The following TMEM135 variants were observed in gnomAD, a reference collection of about 807,000 sequenced individuals.
TMEM135 encodes transmembrane protein 135, also known as peroxisomal membrane protein 52.
A neutral mutation model predicts 60.3 loss-of-function variants in TMEM135; 30 were observed. The ratio of observed to expected loss-of-function variants is 0.50; its 90% CI spans 0.37 to 0.68. The LOEUF is 0.68. Ranked by LOEUF, TMEM135 falls within the 30% of genes least tolerant of loss-of-function variation. The pLI, the probability that TMEM135 is intolerant of heterozygous loss-of-function variation, is 0.00. For synonymous variants in TMEM135, 190 were observed against 186.7 expected, an observed-to-expected ratio of 1.02 and a Z score of -0.14; for missense variants, 468 against 548.8, an observed-to-expected ratio of 0.85 and a Z score of 1.47.
chr11:87,071,350 A>C (rs749479306), intron 2 of TMEM135, among the ~76,000 whole-genome samples, 173 bp from the exon 3 acceptor site: 2 of 152,166 alleles, frequency 1.3e-5, no homozygotes, highest in Non-Finnish European at 2.9e-5. Flanking sequence ...AGGAGAGAGA[A>C]CAAGTTCATG....
intron 4 of TMEM135, among the ~76,000 whole-genome samples, chr11:87,144,388 G>A (rs1056397180): frequency 2.0e-5 from 3 of 152,104 alleles, no homozygotes; most frequent in Non-Finnish European, 4.4e-5. Flanking sequence ...ATTCAATTCT[G>A]CTATTGTAGT....
rs11304555 is a variant in TMEM135 at position 87,239,751 on chromosome 11, G to GT, written c.509+3079dup. Among the ~76,000 whole-genome samples the GT allele has an allele frequency of 9.3e-4, 137 of 147,786 alleles. 1 individual carries two copies. The highest frequency in any genetic ancestry group is 2.3e-3 in the African/African-American group (93 of 40,612). ...CTTTCAATAAAAAGAAAATATGCCA[G>GT]TTTTTTTTTTTTCAAAGAAAGAACT... On this transcript the variant is annotated intron_variant, in intron 6 of 14. Coordinates refer to ENST00000305494, the MANE Select transcript of TMEM135 (RefSeq NM_022918.4).
At position 87,306,087 on chromosome 11, in the gene TMEM135, A is replaced by G. The variant is rs1942538187; in HGVS notation, c.768+82A>G. On this transcript the variant is annotated intron_variant, in intron 9 of 14. Coordinates refer to ENST00000305494, the MANE Select transcript of TMEM135 (RefSeq NM_022918.4). ...TTATTTATTTAGAAATAATTTAAAA[A>G]TAAATGGAAAAGTTGACATTAATAA... 3 of 859,838 alleles carry G rather than the reference A, an allele frequency of 3.5e-6. No homozygotes were observed. The South Asian group carries it at 7.7e-5, about 22-fold the overall frequency. The allele number at this position is 859,838 out of a possible 1,614,324, so 53.3% of individuals were successfully genotyped here. A position where few individuals can be genotyped will look rare whatever the true frequency, so the allele number is the denominator to read the frequency against.
intron 5 of TMEM135, among the ~76,000 whole-genome samples, chr11:87,220,908 A>G (rs1193019271): frequency 6.6e-6 from 1 of 152,200 alleles, no homozygotes; most frequent in Non-Finnish European, 1.5e-5. Context: ...GAATAAATAT[A>G]CATCCATGTT....
chr11:87,142,298 G>A (rs1938283100), intron 4 of TMEM135, among the ~76,000 whole-genome samples: 1 of 152,152 alleles, frequency 6.6e-6, no homozygotes, highest in Admixed American at 6.6e-5. Flanking sequence ...GAAGTTCTCA[G>A]AAGCAGCAAC....
At chr11:87,131,556 A>G (rs1591043383) in intron 4 of TMEM135, among the ~76,000 whole-genome samples, 2 of 152,302 alleles carry the variant, frequency 1.3e-5, no homozygotes, top group African/African-American at 4.8e-5. Context: ...TAAGACTACC[A>G]TGAATATAAT....
chr11:87,055,142 T>C (rs1309222005), intron 1 of TMEM135, among the ~76,000 whole-genome samples: 1 of 152,200 alleles, frequency 6.6e-6, no homozygotes, highest in Non-Finnish European at 1.5e-5. Context: ...TCCATTCTAG[T>C]GTAGAGGGTT....
chr11:87,306,510 C>T (rs1398533283), intron 9 of TMEM135, among the ~76,000 whole-genome samples: 1 of 152,082 alleles, frequency 6.6e-6, no homozygotes, highest in Non-Finnish European at 1.5e-5. Flanking sequence ...AGCATGTCCA[C>T]AGTTGCTCTG....
chr11:87,304,532 T>G (rs1485653739), intron 8 of TMEM135, among the ~76,000 whole-genome samples: 1 of 150,750 alleles, frequency 6.6e-6, no homozygotes, highest in Non-Finnish European at 1.5e-5. Flanking sequence ...GTCTCCAGCT[T>G]TAATCACTCA....
Position 87,325,729 on chromosome 11 carries a change from T to G in TMEM135, c.*4396T>G, listed in dbSNP as rs1942902735. ...TTTTTTTTTATATGCTCTGTTTTTC[T>G]TAGGCAGGATGATGTAGAAGATAAT... is the stretch of plus-strand genomic sequence containing the variant. On this transcript the variant is annotated 3_prime_UTR_variant, in exon 15 of 15. Transcript: ENST00000305494. 1 of 453,888 alleles carries G rather than the reference T, an allele frequency of 2.2e-6. No individual in the cohort carries two copies. The highest frequency in any genetic ancestry group is 4.4e-6 in the Non-Finnish European group (1 of 226,790). 28.1% of individuals were successfully genotyped at this position (453,888 alleles called of 1,614,324 possible).
At chr11:87,108,897 T>C (rs2135195414) in intron 4 of TMEM135, among the ~76,000 whole-genome samples, 1 of 152,330 alleles carries the variant, frequency 6.6e-6, no homozygotes, top group African/African-American at 2.4e-5. Flanking sequence ...GTCCAAACAG[T>C]GGTATACGTC....
Position 87,314,455 on chromosome 11 carries a change from T to C in TMEM135, c.1001-16T>C. The C allele has an allele frequency of 1.9e-6, 3 of 1,594,090 alleles. No homozygotes were observed. Among genetic ancestry groups the C allele is most frequent in the Non-Finnish European group, 2.6e-6 (3 of 1,163,040 alleles). On this transcript the variant is annotated splice_polypyrimidine_tract_variant and intron_variant, in intron 11 of 14. Transcript: ENST00000305494. The stretch of plus-strand genomic sequence containing the variant: ...ACTCTGCGATCTTATCAGTTATTTC[T>C]TATTTCTTGTTTCAGGATTTTTGGC...
intron 6 of TMEM135, among the ~76,000 whole-genome samples, chr11:87,241,840 CT>C (rs36046598): frequency 0.45 from 65,818 of 145,594 alleles, 14,674 homozygotes; most frequent in Middle Eastern, 0.53. Context: ...AAATGACAGC[CT>C]TTTTTTTTAA....
In TMEM135 at chr11:87,081,599, G is replaced by A. The variant is rs558204334; in HGVS notation, c.363-9763G>A. Among the ~76,000 whole-genome samples, 191 of 151,850 alleles carry A rather than the reference G, an allele frequency of 1.3e-3. 1 individual carries two copies. The South Asian group carries it at 0.016, about 13-fold the overall frequency. The stretch of plus-strand genomic sequence containing the variant: ...GAGCAATAACTTCTTAGGGCATAAC[G>A]AGAGGTTTCCTGGATGTAAGGTGAT... On this transcript the variant is annotated intron_variant, in intron 3 of 14. Transcript: ENST00000305494.
At chr11:87,133,259 G>T (rs542025731) in intron 4 of TMEM135, among the ~76,000 whole-genome samples, 12 of 152,278 alleles carry the variant, frequency 7.9e-5, no homozygotes, top group African/African-American at 2.9e-4. Flanking sequence ...CTGAGGAAAA[G>T]ACTAGACTAC....
chr11:87,067,585 T>G (rs1856691429), intron 1 of TMEM135, 109 bp from the exon 2 acceptor site: 1 of 1,451,930 alleles, frequency 6.9e-7, no homozygotes, highest in Admixed American at 1.9e-5. Flanking sequence ...ATGCCAGCAT[T>G]TTTACTTTAA....
chr11:87,084,577 A>G (rs2445582), intron 3 of TMEM135, among the ~76,000 whole-genome samples: 83,042 of 152,090 alleles, frequency 0.55, 23,447 homozygotes, highest in East Asian at 0.71. Context: ...GATTACATGT[A>G]TGAGGCACTG....
At chr11:87,053,206 AGT>A (rs1293463600) in intron 1 of TMEM135, among the ~76,000 whole-genome samples, 12 of 148,974 alleles carry the variant, frequency 8.1e-5, no homozygotes, top group East Asian at 2.0e-4. Flanking sequence ...AAAAAAAAAA[AGT>A]GTATTTTTAT....
intron 5 of TMEM135, among the ~76,000 whole-genome samples, chr11:87,206,232 G>A (rs1365244700): frequency 1.3e-5 from 2 of 152,150 alleles, no homozygotes; most frequent in African/African-American, 4.8e-5. Context: ...TAACTAATAT[G>A]CAGTTTGTGA....
Sources: gnomAD v4.1 joint callset for allele counts (sites outside exome capture counted in the v4.1 genomes callset) on GRCh38, gnomAD v4.1.1 for gene constraint, MANE v1.5 for transcripts, NCBI Gene and HGNC (gene_info 2026-07-23, HGNC 2026-07-21) for gene names.